KIF26B: variants seen among roughly 807,000 people sequenced by gnomAD.
KIF26B encodes the protein kinesin family member 26B, also known as kinesin-like protein KIF26B.
In KIF26B, 63 loss-of-function variants were observed where a neutral mutation model predicts 151.2. That is an observed-to-expected ratio of 0.42 (90% CI 0.34 to 0.51). KIF26B has a LOEUF of 0.51. Among genes scored for constraint, KIF26B ranks in the 20% least tolerant of loss-of-function variants. The pLI is 0.07. For missense variants in KIF26B, 2,813 were observed against 2,913.6 expected (o/e 0.97, Z 0.79); for synonymous variants, 1,357 against 1,262.1 (o/e 1.08, Z -1.59).
At chr1:245,587,567 CTG>C in intron 5 of KIF26B, among the ~76,000 whole-genome samples, 1 of 152,266 alleles carries the variant, frequency 6.6e-6, no homozygotes, top group African/African-American at 2.4e-5. Flanking sequence ...TTCTTCTAGA[CTG>C]AGGTTTCTAA....
chr1:245,693,993 C>A (rs1366686628), intron 12 of KIF26B, among the ~76,000 whole-genome samples: 1 of 152,162 alleles, frequency 6.6e-6, no homozygotes, highest in Non-Finnish European at 1.5e-5. Flanking sequence ...TCTCAGACAC[C>A]AAGGAAGCTC....
At chr1:245,319,065 C>G (rs560712255) in intron 2 of KIF26B, among the ~76,000 whole-genome samples, 13 of 152,242 alleles carry the variant, frequency 8.5e-5, no homozygotes, top group Non-Finnish European at 1.8e-4. Flanking sequence ...AGGAAATAGA[C>G]CCAAGGAGGT....
chr1:245,307,549 A>G (rs1431546143), intron 2 of KIF26B, among the ~76,000 whole-genome samples: 1 of 152,212 alleles, frequency 6.6e-6, no homozygotes, highest in Admixed American at 6.5e-5. Context: ...AGATACACAG[A>G]GAGTGATATA....
At chr1:245,337,518 ATG>A (rs74163041) in intron 2 of KIF26B, among the ~76,000 whole-genome samples, 72,978 of 144,946 alleles carry the variant, frequency 0.5, 21,358 homozygotes, top group Non-Finnish European at 0.66. Flanking sequence ...TACTTAGGAA[ATG>A]TGTGTGTGTG....
intron 2 of KIF26B, among the ~76,000 whole-genome samples, chr1:245,311,658 C>T (rs1054219030): frequency 2.0e-5 from 3 of 152,214 alleles, no homozygotes; most frequent in East Asian, 3.9e-4. Flanking sequence ...CTTGGCCAGG[C>T]GCAGTGGCTC....
chr1:245,482,751 C>T (rs528760173), intron 4 of KIF26B, among the ~76,000 whole-genome samples: 4 of 151,864 alleles, frequency 2.6e-5, no homozygotes, highest in African/African-American at 9.6e-5. Flanking sequence ...ATGATCACGA[C>T]TAGTGTTCCT....
intron 2 of KIF26B, among the ~76,000 whole-genome samples, chr1:245,265,028 T>A (rs1670717670): frequency 2.0e-5 from 3 of 149,950 alleles, no homozygotes; most frequent in African/African-American, 7.4e-5. Flanking sequence ...TGAAACCCCG[T>A]CTCTACTAAA....
rs1252155874 is a variant in KIF26B, at chr1:245,687,598, A to G, written c.4615A>G (p.Arg1539Gly). The G allele has an allele frequency of 1.3e-6, 2 of 1,563,666 alleles. No individual in the cohort carries two copies. Among genetic ancestry groups the G allele is most frequent in the Admixed American group, 3.8e-5 (2 of 52,594 alleles). The change falls in exon 12 of 15, where the codon AGG becomes GGG. Residue 1539 changes from arginine (R) to glycine (G), a missense_variant. This residue lies in a region of KIF26B where 2,060 missense variants were observed against 2,088.6 expected (regional missense o/e 0.99). Transcript: ENST00000407071. The surrounding 1 kb of genome is among the most constrained non-coding windows in gnomAD (Gnocchi z 4.9). ...NKSVKSSSLP[R>G]AFQKASRQEE... ...AAGCGTCAAGTCCAGCAGCCTTCCCAGGGCCTTTCAGAAGGCCAGCCGGCA... is the reference window on the plus strand; with the variant it reads ...AAGCGTCAAGTCCAGCAGCCTTCCCGGGGCCTTTCAGAAGGCCAGCCGGCA...
chr1:245,519,355 A>G (rs1158886203), intron 4 of KIF26B, among the ~76,000 whole-genome samples: 1 of 152,164 alleles, frequency 6.6e-6, no homozygotes, highest in Non-Finnish European at 1.5e-5. Context: ...GAAGTTCAAG[A>G]CCAGCCTGGC....
intron 2 of KIF26B, chr1:245,234,262 C>T: frequency 6.6e-6 from 1 of 152,190 alleles, no homozygotes; most frequent in Non-Finnish European, 1.5e-5. Flanking sequence ...TGAACTTTCT[C>T]GTTGTTGGAA....
At chr1:245,369,211 C>CAGACAG (rs1029560810) in intron 3 of KIF26B, among the ~76,000 whole-genome samples, 1 of 151,680 alleles carries the variant, frequency 6.6e-6, no homozygotes, top group African/African-American at 2.4e-5. Context: ...GACAGACAGA[C>CAGACAG]AGACAGTTTA....
At chr1:245,345,241 CCGCAGCT>C (rs1378963303) in intron 2 of KIF26B, among the ~76,000 whole-genome samples, 2 of 152,156 alleles carry the variant, frequency 1.3e-5, no homozygotes, top group East Asian at 3.9e-4. Context: ...CCTGCCCTAC[CCGCAGCT>C]GGAGTGAAGG....
At chr1:245,567,066 C>T (rs867271920) in intron 5 of KIF26B, among the ~76,000 whole-genome samples, 1 of 152,232 alleles carries the variant, frequency 6.6e-6, no homozygotes, top group Non-Finnish European at 1.5e-5. Flanking sequence ...GAGAGCCCTG[C>T]ACCCCAGCCG....
intron 2 of KIF26B, among the ~76,000 whole-genome samples, chr1:245,280,601 T>G (rs1251121984): frequency 2.7e-5 from 4 of 145,650 alleles, no homozygotes; most frequent in Non-Finnish European, 4.5e-5. Flanking sequence ...GTTTTCGTTT[T>G]TTTTTTTTTT....
At chr1:245,415,715 GAC>G (rs1315036152) in intron 3 of KIF26B, among the ~76,000 whole-genome samples, 1 of 151,866 alleles carries the variant, frequency 6.6e-6, no homozygotes, top group Non-Finnish European at 1.5e-5. Context: ...CTATCTTGCA[GAC>G]TGTCTTTGCA....
In KIF26B at chr1:245,364,715, C is replaced by T. The variant is rs534930913; in HGVS notation, c.466-2119C>T. ...GATTACAGGCATGAGCCACCGCGCCCGGCTGAAATGACTTCTCTTAGAGCT... is the reference window on the plus strand; with the variant it reads ...GATTACAGGCATGAGCCACCGCGCCTGGCTGAAATGACTTCTCTTAGAGCT... On this transcript the variant is annotated intron_variant, in intron 2 of 14. Transcript: ENST00000407071. Among the ~76,000 whole-genome samples the T allele has an allele frequency of 1.9e-4, 29 of 152,128 alleles. 1 individual carries two copies. Among genetic ancestry groups the T allele is most frequent in the East Asian group, 1.7e-3 (9 of 5,158 alleles).
chr1:245,518,954 C>T (rs1400368588), intron 4 of KIF26B, among the ~76,000 whole-genome samples: 1 of 152,174 alleles, frequency 6.6e-6, no homozygotes, highest in African/African-American at 2.4e-5. Flanking sequence ...GTCATTCAAC[C>T]AGTGTTCATA....
rs1355585318 is a variant in KIF26B at position 245,554,588 on chromosome 1, GTTA to G, written c.1350+13643_1350+13645del. Among the ~76,000 whole-genome samples the G allele has an allele frequency of 2.0e-5, 3 of 152,124 alleles. No homozygotes were observed. In the East Asian group the frequency reaches 5.8e-4, roughly 29 times the overall value. On this transcript the variant is annotated intron_variant, in intron 5 of 14. Transcript: ENST00000407071. Reference sequence around the variant, plus strand: ...TAGATAGCTCAAACTAAAAATACCTGTTATTATGGCCATCACTCCGGCTTACCA... The same window carrying G: ...TAGATAGCTCAAACTAAAAATACCTGTTATGGCCATCACTCCGGCTTACCA...
At chr1:245,653,930 G>T (rs368260099) in intron 10 of KIF26B, among the ~76,000 whole-genome samples, 1 of 152,170 alleles carries the variant, frequency 6.6e-6, no homozygotes, top group East Asian at 1.9e-4. Flanking sequence ...GGGCATGGTG[G>T]CTCATACCTG....
Sources: allele counts gnomAD v4.1 joint callset (sites outside exome capture counted in the v4.1 genomes callset), GRCh38; gene constraint gnomAD v4.1.1; regional missense constraint gnomAD v4.1.1; non-coding constraint Gnocchi (gnomAD v3.1); transcripts MANE v1.5; gene names NCBI Gene and HGNC (gene_info 2026-07-23, HGNC 2026-07-21).